The following RPS6KC1 variants were observed in gnomAD, a reference collection of about 807,000 sequenced individuals.
RPS6KC1 encodes the protein ribosomal protein S6 kinase C1.
A neutral mutation model predicts 103.8 loss-of-function variants in RPS6KC1; 54 were observed. That is an observed-to-expected ratio of 0.52 (90% confidence interval 0.42 to 0.65). RPS6KC1 has a LOEUF of 0.65. Among genes scored for constraint, RPS6KC1 ranks in the 30% least tolerant of loss-of-function variants. RPS6KC1 has a pLI of 0.00. For missense variants in RPS6KC1, 1,151 were observed against 1,253.8 expected (o/e 0.92, Z 1.24); for synonymous variants, 439 against 438.7 (o/e 1.00, Z -0.01).
the RPS6KC1 span, among the ~76,000 whole-genome samples, chr1:213,643,819 T>A: frequency 6.6e-6 from 1 of 152,016 alleles, no homozygotes; most frequent in Non-Finnish European, 1.5e-5. Flanking sequence ...TTTGTATTTA[T>A]GTTAGCTAAT....
chr1:213,197,441 G>A lies in RPS6KC1; in HGVS notation c.1044+20949G>A, dbSNP rs12058496. ...GGATAGGATGTGTTTCCATTTTTTC[G>A]TGTCATCTGTGATTTCTTTCAGCAG... On this transcript the variant is annotated intron_variant, in intron 8 of 14. Transcript: ENST00000366960. Among the ~76,000 whole-genome samples the A allele has an allele frequency of 3.7e-3, 562 of 152,088 alleles. 4 individuals carry two copies. Among genetic ancestry groups the A allele is most frequent in the African/African-American group, 0.012 (507 of 41,488 alleles).
At chr1:213,705,953 C>G in the RPS6KC1 span, among the ~76,000 whole-genome samples, 3 of 152,298 alleles carry the variant, frequency 2.0e-5, no homozygotes, top group African/African-American at 7.2e-5. Context: ...GAGCATGTAT[C>G]CAAGATGCAA....
At chr1:213,478,364 G>A in the RPS6KC1 span, among the ~76,000 whole-genome samples, 3 of 152,064 alleles carry the variant, frequency 2.0e-5, no homozygotes, top group Non-Finnish European at 4.4e-5. Context: ...TAACTCATTT[G>A]GATAAATATC....
chr1:213,698,341 T>G, the RPS6KC1 span, among the ~76,000 whole-genome samples: 1 of 152,206 alleles, frequency 6.6e-6, no homozygotes, highest in African/African-American at 2.4e-5. Context: ...TAACACTTCT[T>G]AAGTTCTTGC....
At chr1:213,350,914 T>G in the RPS6KC1 span, among the ~76,000 whole-genome samples, 2 of 152,182 alleles carry the variant, frequency 1.3e-5, no homozygotes, top group Admixed American at 6.5e-5. Flanking sequence ...GTATCTTATT[T>G]GGTACATGTT....
chr1:213,813,052 A>T, the RPS6KC1 span, among the ~76,000 whole-genome samples: 1 of 152,032 alleles, frequency 6.6e-6, no homozygotes, highest in African/African-American at 2.4e-5. Flanking sequence ...AGAGATCAAG[A>T]CCTTCCTGGC....
intron 1 of RPS6KC1, among the ~76,000 whole-genome samples, chr1:213,054,192 A>G (rs1477955584): frequency 1.3e-5 from 2 of 152,216 alleles, no homozygotes; most frequent in Non-Finnish European, 2.9e-5. Flanking sequence ...AGTTTTGACA[A>G]TATAAACTAG....
chr1:213,237,278 G>T (rs2094243545), intron 10 of RPS6KC1, among the ~76,000 whole-genome samples: 1 of 152,070 alleles, frequency 6.6e-6, no homozygotes, highest in East Asian at 1.9e-4. Flanking sequence ...TTACTAGTGT[G>T]ACTTTGGGAA....
chr1:213,818,840 T>G, the RPS6KC1 span: 2 of 152,074 alleles, frequency 1.3e-5, no homozygotes, highest in Non-Finnish European at 2.9e-5. Flanking sequence ...AAATAATAAA[T>G]TCCTTTGAGT....
At chr1:213,232,401 T>A in intron 10 of RPS6KC1, 146 bp downstream of exon 10, 3 of 993,356 alleles carry the variant, frequency 3.0e-6, no homozygotes, top group Non-Finnish European at 4.6e-6. Flanking sequence ...CTCCCTACTT[T>A]GAGTTGTGAG....
At chr1:213,852,555 G>A in the RPS6KC1 span, among the ~76,000 whole-genome samples, 87 of 151,978 alleles carry the variant, frequency 5.7e-4, no homozygotes, top group African/African-American at 1.9e-3. Context: ...ATCTGTTTTC[G>A]GATCTGTTTG....
the RPS6KC1 span, among the ~76,000 whole-genome samples, chr1:213,798,574 T>C: frequency 2.6e-5 from 4 of 152,188 alleles, no homozygotes; most frequent in African/African-American, 9.7e-5. Context: ...CCTATTCCTT[T>C]CCTTCCTCCA....
the RPS6KC1 span, among the ~76,000 whole-genome samples, chr1:213,830,111 C>G: frequency 6.6e-6 from 1 of 152,164 alleles, no homozygotes; most frequent in Admixed American, 6.5e-5. Flanking sequence ...GTGAGGAAAA[C>G]TGCCTTGACA....
chr1:213,311,278 A>G, the RPS6KC1 span, among the ~76,000 whole-genome samples: 381 of 151,806 alleles, frequency 2.5e-3, 2 homozygotes, highest in Middle Eastern at 0.02. Context: ...AGCTGGGACT[A>G]CAGGTGCCCG....
the RPS6KC1 span, among the ~76,000 whole-genome samples, chr1:213,723,731 C>G: frequency 6.6e-6 from 1 of 152,018 alleles, no homozygotes; most frequent in Non-Finnish European, 1.5e-5. Context: ...ATTCATTTAC[C>G]AAGATAAATT....
At chr1:213,397,329 C>A in the RPS6KC1 span, among the ~76,000 whole-genome samples, 1 of 151,952 alleles carries the variant, frequency 6.6e-6, no homozygotes. Flanking sequence ...TAAAAAAATT[C>A]TTCTCCCCAC....
intron 6 of RPS6KC1, among the ~76,000 whole-genome samples, chr1:213,148,557 T>A (rs2088176184): frequency 6.6e-6 from 1 of 152,200 alleles, no homozygotes; most frequent in Non-Finnish European, 1.5e-5. Flanking sequence ...ATCTTTACAA[T>A]GTATTGTTGA....
the RPS6KC1 span, among the ~76,000 whole-genome samples, chr1:213,801,848 A>G: frequency 6.6e-6 from 1 of 152,210 alleles, no homozygotes; most frequent in Non-Finnish European, 1.5e-5. Context: ...ACGGTCAGGA[A>G]TATTGGGAAG....
intron 6 of RPS6KC1, among the ~76,000 whole-genome samples, chr1:213,159,602 ATTG>A (rs2148056758): frequency 6.6e-6 from 1 of 152,330 alleles, no homozygotes; most frequent in Non-Finnish European, 1.5e-5. Flanking sequence ...GTTTTTATGT[ATTG>A]TTGTATGAAC....
Sources: allele counts gnomAD v4.1 joint callset (sites outside exome capture counted in the v4.1 genomes callset), GRCh38; gene constraint gnomAD v4.1.1; transcripts MANE v1.5; gene names NCBI Gene and HGNC (gene_info 2026-07-23, HGNC 2026-07-21).